Variants in ENC1 observed in about 807,000 individuals in gnomAD.
The protein encoded by ENC1 is ectoderm-neural cortex protein 1.
In ENC1, 19 loss-of-function variants were observed where a neutral mutation model predicts 40.9. That is an observed-to-expected ratio of 0.46 (90% confidence interval 0.32 to 0.68). The LOEUF (loss-of-function observed/expected upper bound fraction) is 0.68. Among genes scored for constraint, ENC1 ranks in the 30% least tolerant of loss-of-function variants. The pLI, the probability that ENC1 is intolerant of heterozygous loss-of-function variation, is 0.03. For missense variants in ENC1, 479 were observed against 737.5 expected (o/e 0.65, Z 4.06); for synonymous variants, 285 against 291.1 (o/e 0.98, Z 0.21).
At position 74,629,386 on chromosome 5, in the gene ENC1, C is replaced by T. The variant is rs1370227408; in HGVS notation, c.*639G>A. The T allele has an allele frequency of 6.6e-6, 1 of 152,156 alleles. No individual in the cohort carries two copies. Among genetic ancestry groups the T allele is most frequent in the Admixed American group, 6.5e-5 (1 of 15,280 alleles). 9.4% of individuals were successfully genotyped at this position (152,156 alleles called of 1,614,324 possible). A position where few individuals can be genotyped will look rare whatever the true frequency, so the allele number is the denominator to read the frequency against. ...AATCTATAACAAACTTCTTAACAGC[C>T]AAGGGAAAGTTTAAAGTCACTTATA... On this transcript the variant is annotated 3_prime_UTR_variant, in exon 3 of 3. Transcript: ENST00000302351.
Position 74,636,811 on chromosome 5 carries a change from A to G in ENC1, c.-13-313T>C, listed in dbSNP as rs923198174. On this transcript the variant is annotated intron_variant, in intron 1 of 2. Transcript: ENST00000302351. This position sits in a 1 kb window ranked among gnomAD's most constrained non-coding sequence, Gnocchi z 4.8. The stretch of plus-strand genomic sequence containing the variant: ...AACTTTCAGGCCATCGAAGTCTTTT[A>G]GAATATAAGTCAGCAAAAGCCAAGA... 6.6e-6 allele frequency among the ~76,000 whole-genome samples: 1 copy of G among 152,028 alleles called. No individual in the cohort carries two copies. The highest frequency in any genetic ancestry group is 2.4e-5 in the African/African-American group (1 of 41,386).
chr5:74,636,451 C>T lies in ENC1; in HGVS notation c.35G>A (p.Arg12Lys). 1.9e-6 allele frequency: 3 copies of T among 1,612,800 alleles called. No individual in the cohort carries two copies. Among genetic ancestry groups the T allele is most frequent in the Non-Finnish European group, 2.5e-6 (3 of 1,178,836 alleles). Residue 12 changes from arginine to lysine, a missense_variant, in exon 2 of 3, where the codon AGG (arginine) becomes AAG (lysine). Arg to Lys is a conservative substitution (Grantham distance 26). Coordinates refer to ENST00000302351, the MANE Select transcript of ENC1 (RefSeq NM_003633.4). The surrounding 1 kb of genome is among the most constrained non-coding windows in gnomAD (Gnocchi z 4.8). Reference protein sequence around the residue: ...SVSVHENRKSRASSGSINIYL... With the variant: ...SVSVHENRKSKASSGSINIYL... ...GATGTTAATGGAGCCGCTGCTGGCC[C>T]TGGACTTGCGGTTCTCATGCACACT...
intron 2 of ENC1, among the ~76,000 whole-genome samples, chr5:74,633,137 A>G (rs544798940): frequency 2.6e-5 from 4 of 152,344 alleles, no homozygotes; most frequent in African/African-American, 9.6e-5. Flanking sequence ...TAATAAGCCC[A>G]TGAATCACCA....
In ENC1 at chr5:74,635,274, C is replaced by A; in HGVS notation, c.1212G>T (p.Pro404=). 6.2e-7 allele frequency: 1 copy of A among 1,614,132 alleles called. No individual in the cohort carries two copies. Among genetic ancestry groups the A allele is most frequent in the East Asian group, 2.2e-5 (1 of 44,882 alleles). The change falls in exon 2 of 3, where the codon CCG becomes CCT. Residue 404 remains proline, a synonymous_variant. Coordinates refer to ENST00000302351, the MANE Select transcript of ENC1 (RefSeq NM_003633.4). This position sits in a 1 kb window ranked among gnomAD's most constrained non-coding sequence, Gnocchi z 5.5. ...GCTTTAGAGAGACTGAGGGGGAGGC[C>A]GGGAGGCAGCCAGTTGCGGCCGTGT... ...GGHTAATGCL[P]ASPSVSLKQV... is the part of the protein sequence containing the mutation.
At position 74,635,093 on chromosome 5, in the gene ENC1, A is replaced by ACAGTCCACCTGTTTTC. The variant is rs1747529258; in HGVS notation, c.1392_1393insGAAAACAGGTGGACTG (p.Tyr465GlufsTer10). ...GTCCACCTGTTTTCACACTGATCGT[A>ACAGTCCACCTGTTTTC]ACACTGAACTTTGGGGAGCTTGTCA... On this transcript the variant is annotated frameshift_variant, in exon 2 of 3. Coordinates refer to ENST00000302351, the MANE Select transcript of ENC1 (RefSeq NM_003633.4). LOFTEE classifies it high-confidence loss of function. This position sits in a 1 kb window ranked among gnomAD's most constrained non-coding sequence, Gnocchi z 5.5. 6.2e-7 allele frequency: 1 copy of ACAGTCCACCTGTTTTC among 1,614,130 alleles called. No individual in the cohort carries two copies. Among genetic ancestry groups the ACAGTCCACCTGTTTTC allele is most frequent in the Non-Finnish European group, 8.5e-7 (1 of 1,180,050 alleles).
At position 74,636,447 on chromosome 5, in the gene ENC1, G is replaced by C; in HGVS notation, c.39C>G (p.Ala13=). The C allele has an allele frequency of 6.2e-7, 1 of 1,612,864 alleles. No homozygotes were observed. Among genetic ancestry groups the C allele is most frequent in the Non-Finnish European group, 8.5e-7 (1 of 1,178,898 alleles). Residue 13 remains alanine (A), a synonymous_variant, in exon 2 of 3, where the codon GCC becomes GCG. Coordinates refer to ENST00000302351, the MANE Select transcript of ENC1 (RefSeq NM_003633.4). The surrounding 1 kb of genome is among the most constrained non-coding windows in gnomAD (Gnocchi z 4.8). ...GATAGATGTTAATGGAGCCGCTGCT[G>C]GCCCTGGACTTGCGGTTCTCATGCA... ...VSVHENRKSR[A]SSGSINIYLF...
chr5:74,635,989 T>C lies in ENC1; in HGVS notation c.497A>G (p.Glu166Gly), dbSNP rs780002679. 1 of 1,614,032 alleles carries C rather than the reference T, an allele frequency of 6.2e-7. No homozygotes were observed. The highest frequency in any genetic ancestry group is 1.3e-5 in the African/African-American group (1 of 74,918). The change falls in exon 2 of 3, where the codon GAA (glutamate) becomes GGA (glycine). Residue 166 changes from glutamate to glycine, a missense_variant. Transcript: ENST00000302351. The surrounding 1 kb of genome is among the most constrained non-coding windows in gnomAD (Gnocchi z 5.5). ...GCTGAGACACATTCTCCAAGATAGT[T>C]CGTACAGCTTGGTGCACTGGTGTGC... is the stretch of plus-strand genomic sequence containing the variant. ...SDAHQCTKLY[E>G]LSWRMCLSNF...
rs1205077501 is a variant in ENC1, at chr5:74,630,238, A to G, written c.*33-246T>C. On this transcript the variant is annotated intron_variant, in intron 2 of 2. Coordinates refer to ENST00000302351, the MANE Select transcript of ENC1 (RefSeq NM_003633.4). ...CACATCCATGCAGATGGCTGGCCTGACAAAAACAGTGGTGTCTAAAGAAGG... is the reference window on the plus strand; with the variant it reads ...CACATCCATGCAGATGGCTGGCCTGGCAAAAACAGTGGTGTCTAAAGAAGG... Among the ~76,000 whole-genome samples, 3 of 152,232 alleles carry G rather than the reference A, an allele frequency of 2.0e-5. 1 individual carries two copies. The highest frequency in any genetic ancestry group is 1.3e-4 in the Admixed American group (2 of 15,290).
At chr5:74,631,430 G>A (rs2112016421) in intron 2 of ENC1, among the ~76,000 whole-genome samples, 1 of 152,308 alleles carries the variant, frequency 6.6e-6, no homozygotes, top group African/African-American at 2.4e-5. Flanking sequence ...GAGGGCAGAG[G>A]AATTTGCAGT....
chr5:74,633,814 TCTG>T (rs1747474149), intron 2 of ENC1, among the ~76,000 whole-genome samples: 1 of 151,218 alleles, frequency 6.6e-6, no homozygotes, highest in South Asian at 2.1e-4. Flanking sequence ...CTTACTAAGC[TCTG>T]CTAACTCGGG....
rs1747246396 is a variant in ENC1 at position 74,627,618 on chromosome 5, T to C, written c.*2407A>G. 1 of 152,630 alleles carries C rather than the reference T, an allele frequency of 6.6e-6. No individual in the cohort carries two copies. Among genetic ancestry groups the C allele is most frequent in the South Asian group, 2.1e-4 (1 of 4,830 alleles). The allele number at this position is 152,630 out of a possible 1,614,324, so 9.5% of individuals were successfully genotyped here. A position where few individuals can be genotyped will look rare whatever the true frequency, so the allele number is the denominator to read the frequency against. On this transcript the variant is annotated 3_prime_UTR_variant, in exon 3 of 3. Coordinates refer to ENST00000302351, the MANE Select transcript of ENC1 (RefSeq NM_003633.4). ...CATTATGCAGCTCTAATCACTCTTA[T>C]TCAAGACAGGTGTCAAGCCCAAAGA...
intron 1 of ENC1, among the ~76,000 whole-genome samples, chr5:74,638,192 A>C (rs1747677648): frequency 6.6e-6 from 1 of 152,218 alleles, no homozygotes; most frequent in Non-Finnish European, 1.5e-5. Flanking sequence ...AACCATTCAG[A>C]CATTTTTAAA....
intron 2 of ENC1, among the ~76,000 whole-genome samples, chr5:74,630,754 A>T (rs1229402717): frequency 6.6e-6 from 1 of 152,178 alleles, no homozygotes; most frequent in Non-Finnish European, 1.5e-5. Context: ...GCATTTCCTC[A>T]CACTGCTTAC....
Position 74,635,608 on chromosome 5 carries a change from G to C in ENC1, c.878C>G (p.Thr293Ser). The C allele has an allele frequency of 1.2e-6, 2 of 1,614,208 alleles. No individual in the cohort carries two copies. Among genetic ancestry groups the C allele is most frequent in the Non-Finnish European group, 1.7e-6 (2 of 1,180,034 alleles). Residue 293 changes from threonine (T) to serine (S), a missense_variant, in exon 2 of 3, where the codon ACT becomes AGT. Thr to Ser is a moderately conservative substitution (Grantham distance 58). Coordinates refer to ENST00000302351, the MANE Select transcript of ENC1 (RefSeq NM_003633.4). This position sits in a 1 kb window ranked among gnomAD's most constrained non-coding sequence, Gnocchi z 5.5. ...VTSLCARPRK[T>S]GHALFLLGGQ... is the part of the protein sequence containing the mutation. Reference sequence around the variant, plus strand: ...TCCCAGAAGGAAGAGGGCATGGCCAGTTTTCCGAGGTCGGGCACAGAGGCT... The same window carrying C: ...TCCCAGAAGGAAGAGGGCATGGCCACTTTTCCGAGGTCGGGCACAGAGGCT...
At position 74,635,398 on chromosome 5, in the gene ENC1, G is replaced by A. The variant is rs763791861; in HGVS notation, c.1088C>T (p.Thr363Ile). 1 of 1,614,104 alleles carries A rather than the reference G, an allele frequency of 6.2e-7. No individual in the cohort carries two copies. The highest frequency in any genetic ancestry group is 1.7e-5 in the Admixed American group (1 of 60,022). ...AGCCTTGGACCACTCCTCGTGCAGG[G>A]TATCATAAACCCAGACATCTTTTGA... is the stretch of plus-strand genomic sequence containing the variant. ...GVSKDVWVYD[T>I]LHEEWSKAAP... Residue 363 changes from threonine (T) to isoleucine (I), a missense_variant, in exon 2 of 3, where the codon ACC becomes ATC. By Grantham distance (89) the Thr-to-Ile change is moderately conservative. Coordinates refer to ENST00000302351, the MANE Select transcript of ENC1 (RefSeq NM_003633.4). The surrounding 1 kb of genome is among the most constrained non-coding windows in gnomAD (Gnocchi z 5.5).
chr5:74,635,320 C>A lies in ENC1; in HGVS notation c.1166G>T (p.Cys389Phe), dbSNP rs1435284543. 2 of 1,614,138 alleles carry A rather than the reference C, an allele frequency of 1.2e-6. No individual in the cohort carries two copies. Among genetic ancestry groups the A allele is most frequent in the Non-Finnish European group, 1.7e-6 (2 of 1,180,030 alleles). Reference sequence around the variant, plus strand: ...CGTGTGCCCCCCAACCACATACAGGCAGTGCTTCAGTTCAGCAGAGCCATG... The same window carrying A: ...CGTGTGCCCCCCAACCACATACAGGAAGTGCTTCAGTTCAGCAGAGCCATG... ...FGHGSAELKH[C>F]LYVVGGHTAA... The change falls in exon 2 of 3, where the codon TGC becomes TTC. Residue 389 changes from cysteine (C) to phenylalanine (F), a missense_variant. By Grantham distance (205) the Cys-to-Phe change is radical. Coordinates refer to ENST00000302351, the MANE Select transcript of ENC1 (RefSeq NM_003633.4). The surrounding 1 kb of genome is among the most constrained non-coding windows in gnomAD (Gnocchi z 5.5).
chr5:74,634,038 C>T (rs761116318), intron 2 of ENC1, among the ~76,000 whole-genome samples: 1 of 152,098 alleles, frequency 6.6e-6, no homozygotes, highest in Non-Finnish European at 1.5e-5. Flanking sequence ...TGGAATCATC[C>T]GGAAACTTTT....
In ENC1 at chr5:74,636,232, C is replaced by T. The variant is rs138968666; in HGVS notation, c.254G>A (p.Ser85Asn). The change falls in exon 2 of 3, where the codon AGT (serine) becomes AAT (asparagine). Residue 85 changes from serine to asparagine, a missense_variant. Coordinates refer to ENST00000302351, the MANE Select transcript of ENC1 (RefSeq NM_003633.4). This position sits in a 1 kb window ranked among gnomAD's most constrained non-coding sequence, Gnocchi z 4.8. ...GATGGAATTGTCAAAGTTGACCTCA[C>T]TGTCCTGGCTCTCTTTCAGGCCACC... ...FSGGLKESQD[S>N]EVNFDNSIHP... is the part of the protein sequence containing the mutation. 8.1e-6 allele frequency: 13 copies of T among 1,614,104 alleles called. No individual in the cohort carries two copies. Among genetic ancestry groups the T allele is most frequent in the East Asian group, 2.2e-5 (1 of 44,890 alleles).
Position 74,627,467 on chromosome 5 carries a change from A to T in ENC1, c.*2558T>A, listed in dbSNP as rs943214751. The T allele has an allele frequency of 6.6e-6, 1 of 152,604 alleles. No homozygotes were observed. The highest frequency in any genetic ancestry group is 6.5e-5 in the Admixed American group (1 of 15,282). The allele number at this position is 152,604 out of a possible 1,614,324, so 9.5% of individuals were successfully genotyped here. On this transcript the variant is annotated 3_prime_UTR_variant, in exon 3 of 3. Coordinates refer to ENST00000302351, the MANE Select transcript of ENC1 (RefSeq NM_003633.4). The stretch of plus-strand genomic sequence containing the variant: ...CAGTTTCACATTGTGAAAAAAAAAA[A>T]AATAACAGTTTTACAAAACCTCAAA...
Sources: allele counts gnomAD v4.1 joint callset (sites outside exome capture counted in the v4.1 genomes callset), GRCh38; gene constraint gnomAD v4.1.1; non-coding constraint Gnocchi (gnomAD v3.1); transcripts MANE v1.5; gene names NCBI Gene and HGNC (gene_info 2026-07-23, HGNC 2026-07-21).